Variants in MED12L observed in about 807,000 individuals in gnomAD.
The protein encoded by MED12L is mediator of RNA polymerase II transcription subunit 12-like protein.
In MED12L, 60 loss-of-function variants were observed where a neutral mutation model predicts 281.3. That is an observed-to-expected ratio of 0.21 (90% CI 0.17 to 0.26). MED12L has a LOEUF of 0.26. MED12L is among the 10% of genes least tolerant of loss of function. The pLI is 1.00. For synonymous variants in MED12L, 974 were observed against 987.2 expected (o/e 0.99, Z 0.25); for missense variants, 2,146 against 2,680.9 (o/e 0.80, Z 4.41).
chr3:151,333,608 A>G (rs536899132), intron 16 of MED12L, among the ~76,000 whole-genome samples: 2 of 152,352 alleles, frequency 1.3e-5, no homozygotes, highest in African/African-American at 4.8e-5. Flanking sequence ...AAACAATGCT[A>G]TAGAGCATGT....
chr3:151,091,758 G>T (rs1431503482), intron 2 of MED12L, among the ~76,000 whole-genome samples: 1 of 152,144 alleles, frequency 6.6e-6, no homozygotes, highest in East Asian at 1.9e-4. Context: ...GGCCCTACCA[G>T]TCTGGCCCTT....
intron 4 of MED12L, 49 bp downstream of exon 4, chr3:151,123,023 G>GT (rs1713991963): frequency 7.1e-7 from 1 of 1,402,692 alleles, no homozygotes; most frequent in East Asian, 2.4e-5. Context: ...ATAATCAGCT[G>GT]TTTGGGATAA....
intron 16 of MED12L, among the ~76,000 whole-genome samples, chr3:151,277,323 G>A (rs534634572): frequency 5.3e-5 from 8 of 151,804 alleles, no homozygotes; most frequent in East Asian, 3.9e-4. Context: ...AAATTTTACC[G>A]AAATATAAAA....
intron 16 of MED12L, among the ~76,000 whole-genome samples, chr3:151,224,349 A>G (rs142541962): frequency 2.0e-3 from 306 of 152,300 alleles, no homozygotes; most frequent in Admixed American, 2.5e-3. Flanking sequence ...CTGTATCAAT[A>G]GAAAATAGTA....
At chr3:151,196,675 G>A (rs1247821007) in intron 16 of MED12L, among the ~76,000 whole-genome samples, 1 of 152,208 alleles carries the variant, frequency 6.6e-6, no homozygotes, top group African/African-American at 2.4e-5. Flanking sequence ...CATTTACACT[G>A]TGTCAGATGT....
rs777742468 is a variant in MED12L at position 151,331,887 on chromosome 3, G to A, written c.2251-18172G>A. ...CCATATCATGCAACCCAAATCTGCC[G>A]TAAAGTCACACAGTTGGTCTGGTTC... On this transcript the variant is annotated intron_variant, in intron 16 of 44. Coordinates refer to ENST00000687756, the MANE Select transcript of MED12L (RefSeq NM_001393769.1). Among the ~76,000 whole-genome samples, 3 of 152,234 alleles carry A rather than the reference G, an allele frequency of 2.0e-5. No homozygotes were observed. In the East Asian group the frequency reaches 5.8e-4, roughly 29 times the overall value.
At chr3:151,412,572 C>T (rs2108363203) in intron 41 of MED12L, among the ~76,000 whole-genome samples, 1 of 152,282 alleles carries the variant, frequency 6.6e-6, no homozygotes, top group South Asian at 2.1e-4. Context: ...GATGGTAACA[C>T]ATTTGAGAAA....
At position 151,141,187 on chromosome 3, in the gene MED12L, G is replaced by GTTTTTTTTTTTTTTT. The variant is rs76965310; in HGVS notation, c.556+13216_556+13217insTTTTTTTTTTTTTTT. Among the ~76,000 whole-genome samples the GTTTTTTTTTTTTTTT allele has an allele frequency of 3.8e-4, 38 of 99,108 alleles. 1 individual carries two copies. Among genetic ancestry groups the GTTTTTTTTTTTTTTT allele is most frequent in the South Asian group, 6.9e-4 (2 of 2,898 alleles). 65.0% of individuals were successfully genotyped at this position (99,108 alleles called of 152,430 possible). A position where few individuals can be genotyped will look rare whatever the true frequency, so the allele number is the denominator to read the frequency against. ...TGGCGTTTTTTTTTTTGTTTTTTTT[G>GTTTTTTTTTTTTTTT]TTTTTTTTTTTTTGTTAGTAGAGAC... On this transcript the variant is annotated intron_variant, in intron 5 of 44. Coordinates refer to ENST00000687756, the MANE Select transcript of MED12L (RefSeq NM_001393769.1).
chr3:151,430,194 G>T, intron 43 of MED12L, 105 bp from the exon 44 acceptor site: 1 of 1,510,756 alleles, frequency 6.6e-7, no homozygotes, highest in South Asian at 1.2e-5. Context: ...TTTTCGTGAA[G>T]TGTTGAGAAG....
chr3:151,356,087 CAG>C, intron 19 of MED12L, 48 bp downstream of exon 19: 1 of 1,577,240 alleles, frequency 6.3e-7, no homozygotes, highest in Non-Finnish European at 8.6e-7. Flanking sequence ...GCAAATCCAC[CAG>C]GCATTGTGCA....
At chr3:151,424,919 G>C (rs1181620646) in intron 43 of MED12L, among the ~76,000 whole-genome samples, 1 of 152,154 alleles carries the variant, frequency 6.6e-6, no homozygotes, top group Non-Finnish European at 1.5e-5. Context: ...TTGCTGCTTT[G>C]TTCTTTTGGT....
intron 14 of MED12L, among the ~76,000 whole-genome samples, chr3:151,191,516 T>G (rs995470291): frequency 6.6e-6 from 1 of 152,240 alleles, no homozygotes; most frequent in Non-Finnish European, 1.5e-5. Flanking sequence ...TTTTGGATAT[T>G]GTTCCAGATA....
chr3:151,223,514 A>C (rs1425582126), intron 16 of MED12L, among the ~76,000 whole-genome samples: 1 of 152,248 alleles, frequency 6.6e-6, no homozygotes, highest in African/African-American at 2.4e-5. Flanking sequence ...GCAGCCATAC[A>C]AAAGAAATCA....
At chr3:151,198,373 ATTAACT>A in intron 16 of MED12L, 1 of 1,293,774 alleles carries the variant, frequency 7.7e-7, no homozygotes, top group Non-Finnish European at 1.0e-6. Context: ...CAAAGCTATA[ATTAACT>A]TTATGGTCCA....
chr3:151,247,962 C>CTT (rs61102632), intron 16 of MED12L, among the ~76,000 whole-genome samples: 12,015 of 75,050 alleles, frequency 0.16, 1,313 homozygotes, highest in Non-Finnish European at 0.19. Flanking sequence ...TCTTCTTCTT[C>CTT]TTTTTTTTTT....
At chr3:151,193,729 A>G in intron 16 of MED12L, 63 bp downstream of exon 16, 1 of 1,377,152 alleles carries the variant, frequency 7.3e-7, no homozygotes, top group Non-Finnish European at 1.0e-6. Context: ...ATAACTGTTG[A>G]ACGTCAGATT....
At chr3:151,125,532 C>T (rs1714383426) in intron 4 of MED12L, among the ~76,000 whole-genome samples, 1 of 152,292 alleles carries the variant, frequency 6.6e-6, no homozygotes, top group African/African-American at 2.4e-5. Flanking sequence ...CTAGTGGTGA[C>T]TGTGTTGGAG....
chr3:151,223,796 T>C (rs1368408566), intron 16 of MED12L, among the ~76,000 whole-genome samples: 3 of 152,122 alleles, frequency 2.0e-5, no homozygotes, highest in African/African-American at 7.2e-5. Flanking sequence ...TGTCACACAA[T>C]ATACCCAAGT....
intron 34 of MED12L, 70 bp downstream of exon 34, chr3:151,383,958 C>T (rs12485508): frequency 0.35 from 520,185 of 1,479,382 alleles, 93,814 homozygotes; most frequent in Non-Finnish European, 0.37. Context: ...ATACTGATGG[C>T]GATTTCTGCC....
Sources: allele counts gnomAD v4.1 joint callset (sites outside exome capture counted in the v4.1 genomes callset), GRCh38; gene constraint gnomAD v4.1.1; transcripts MANE v1.5; gene names NCBI Gene and HGNC (gene_info 2026-07-23, HGNC 2026-07-21).